The following MGST2 variants were observed in gnomAD, a reference collection of about 807,000 sequenced individuals.
The protein encoded by MGST2 is microsomal glutathione S-transferase 2, also known as glutathione peroxidase MGST2.
In MGST2, 9 loss-of-function variants were observed where a neutral mutation model predicts 16.6. That is an observed-to-expected ratio of 0.54 (90% CI 0.33 to 0.95). The LOEUF (loss-of-function observed/expected upper bound fraction) is 0.95. Among genes scored for constraint, MGST2 ranks in the 40% least tolerant of loss-of-function variants. The pLI is 0.03. For synonymous variants in MGST2, 79 were observed against 68.0 expected (o/e 1.16, Z -0.79); for missense variants, 159 against 175.1 (o/e 0.91, Z 0.52).
At chr4:139,738,635 C>T (rs1005513609) in intron 5 of MGST2, among the ~76,000 whole-genome samples, 4 of 151,926 alleles carry the variant, frequency 2.6e-5, no homozygotes, top group South Asian at 2.1e-4. Flanking sequence ...TACATTTTGC[C>T]GATTCCTTCC....
chr4:139,678,422 C>T (rs1251405877), intron 1 of MGST2, 121 bp from the exon 2 acceptor site: 2 of 775,176 alleles, frequency 2.6e-6, no homozygotes, highest in Non-Finnish European at 4.5e-6. Context: ...TATCATCTGT[C>T]TTTTTGATTT....
downstream of MGST2, among the ~76,000 whole-genome samples, chr4:139,741,058 G>C (rs1729149273): frequency 6.6e-6 from 1 of 152,190 alleles, no homozygotes; most frequent in Non-Finnish European, 1.5e-5. Flanking sequence ...TCTGAGAGGA[G>C]GGCTACCCTT....
At chr4:139,702,745 C>T (rs900241252) in intron 3 of MGST2, among the ~76,000 whole-genome samples, 4 of 151,258 alleles carry the variant, frequency 2.6e-5, no homozygotes, top group African/African-American at 9.7e-5. Flanking sequence ...AAGAAACTAC[C>T]AGAACTTTTC....
At chr4:139,678,872 A>G (rs1463295995) in intron 2 of MGST2, 1 of 581,206 alleles carries the variant, frequency 1.7e-6, no homozygotes, top group African/African-American at 1.9e-5. Flanking sequence ...TATTTACAGA[A>G]AAGGCTGGGA....
intron 5 of MGST2, chr4:139,720,426 TG>T: frequency 1.0e-5 from 10 of 980,920 alleles, no homozygotes; most frequent in Non-Finnish European, 1.3e-5. Flanking sequence ...TTCCTTTATA[TG>T]AAAGGATCTA....
chr4:139,710,847 TAA>T (rs1163245932), intron 5 of MGST2, among the ~76,000 whole-genome samples: 3 of 152,178 alleles, frequency 2.0e-5, no homozygotes, highest in Non-Finnish European at 2.9e-5. Flanking sequence ...CTAAGCTTTT[TAA>T]AGTTTGATGA....
At chr4:139,703,924 C>A in intron 4 of MGST2, 92 bp from the exon 5 acceptor site, 1 of 1,510,002 alleles carries the variant, frequency 6.6e-7, no homozygotes, top group Non-Finnish European at 9.2e-7. Context: ...AAGTTCTGGA[C>A]AGTGTTAACG....
chr4:139,683,958 C>G (rs1731411000), intron 2 of MGST2, among the ~76,000 whole-genome samples: 1 of 146,926 alleles, frequency 6.8e-6, no homozygotes, highest in African/African-American at 2.5e-5. Context: ...GGAGTCTCAC[C>G]CTGTCACCCA....
At chr4:139,723,674 TAACACAGGGG>T (rs1728351372) in intron 5 of MGST2, among the ~76,000 whole-genome samples, 1 of 152,168 alleles carries the variant, frequency 6.6e-6, no homozygotes, top group Non-Finnish European at 1.5e-5. Context: ...CTATGTTCTG[TAACACAGGGG>T]AATTATTAAA....
At chr4:139,668,838 A>G (rs922102313) in intron 1 of MGST2, among the ~76,000 whole-genome samples, 118 of 152,238 alleles carry the variant, frequency 7.8e-4, no homozygotes, top group African/African-American at 2.7e-3. Flanking sequence ...TGGTTTGGCC[A>G]GGGATATTCC....
At chr4:139,728,494 A>G (rs901649614) in intron 5 of MGST2, among the ~76,000 whole-genome samples, 4 of 152,254 alleles carry the variant, frequency 2.6e-5, no homozygotes, top group Non-Finnish European at 5.9e-5. Flanking sequence ...GGAAATTATT[A>G]AAACCTAATC....
intron 1 of MGST2, among the ~76,000 whole-genome samples, chr4:139,668,735 C>T (rs1005912612): frequency 6.6e-6 from 1 of 152,008 alleles, no homozygotes; most frequent in Non-Finnish European, 1.5e-5. Flanking sequence ...CCATTGCTTA[C>T]AGGCTGGGGT....
At chr4:139,683,352 A>C (rs1206112549) in intron 2 of MGST2, among the ~76,000 whole-genome samples, 2 of 152,172 alleles carry the variant, frequency 1.3e-5, no homozygotes, top group Non-Finnish European at 2.9e-5. Context: ...TATTGGCCTG[A>C]GCATCCATCC....
Position 139,698,412 on chromosome 4 carries a change from G to A in MGST2, c.229+3145G>A, listed in dbSNP as rs1022407630. 6.4e-6 allele frequency: 10 copies of A among 1,553,768 alleles called. No individual in the cohort carries two copies. In the Admixed American group the frequency reaches 8.4e-5, roughly 13 times the overall value. ...CTGATAACGTCTAATTTCACGGAGCGCCACAGTACCAGGCCTGTAACGATG... is the reference window on the plus strand; with the variant it reads ...CTGATAACGTCTAATTTCACGGAGCACCACAGTACCAGGCCTGTAACGATG... On this transcript the variant is annotated intron_variant, in intron 3 of 4. Coordinates refer to ENST00000265498, the MANE Select transcript of MGST2 (RefSeq NM_002413.5).
At chr4:139,682,238 G>A (rs903617376) in intron 2 of MGST2, among the ~76,000 whole-genome samples, 9 of 98,050 alleles carry the variant, frequency 9.2e-5, no homozygotes, top group Admixed American at 5.1e-4. Flanking sequence ...AAGGTAATTG[G>A]TGCTAAAAAA....
chr4:139,689,115 A>AT (rs1362320624), intron 2 of MGST2, among the ~76,000 whole-genome samples: 3 of 151,438 alleles, frequency 2.0e-5, no homozygotes, highest in African/African-American at 7.3e-5. Context: ...TCAAAAAAAA[A>AT]AAAAAAAAAA....
At chr4:139,726,482 G>T (rs965597581) in intron 5 of MGST2, among the ~76,000 whole-genome samples, 6 of 152,156 alleles carry the variant, frequency 3.9e-5, no homozygotes, top group Admixed American at 1.3e-4. Context: ...CTGAGGGAAG[G>T]GGTTTTGACA....
intron 5 of MGST2, among the ~76,000 whole-genome samples, chr4:139,739,210 C>T (rs1343409396): frequency 1.3e-5 from 2 of 152,178 alleles, no homozygotes; most frequent in South Asian, 2.1e-4. Context: ...ACAGCTTCTC[C>T]GAGCTCCTGA....
chr4:139,697,947 A>G (rs1330550333), intron 3 of MGST2, among the ~76,000 whole-genome samples: 1 of 152,008 alleles, frequency 6.6e-6, no homozygotes, highest in Non-Finnish European at 1.5e-5. Flanking sequence ...ATTTATATTA[A>G]AAATTCACAC....
Sources: gnomAD v4.1 joint callset for allele counts (sites outside exome capture counted in the v4.1 genomes callset) on GRCh38, gnomAD v4.1.1 for gene constraint, MANE v1.5 for transcripts, NCBI Gene and HGNC (gene_info 2026-07-23, HGNC 2026-07-21) for gene names.